The following IGHMBP2 variants were observed in gnomAD, a reference collection of about 807,000 sequenced individuals.
IGHMBP2 encodes the protein immunoglobulin mu DNA binding protein 2.
A neutral mutation model predicts 96.0 loss-of-function variants in IGHMBP2; 81 were observed. The ratio of observed to expected loss-of-function variants is 0.84; its 90% CI spans 0.71 to 1.01. The LOEUF is 1.01. Ranked by LOEUF, IGHMBP2 falls within the 50% of genes least tolerant of loss-of-function variation. The probability of loss-of-function intolerance (pLI) is 0.00; values close to 1 mark genes in which losing one functional copy is unlikely to be tolerated. For synonymous variants in IGHMBP2, 557 were observed against 548.9 expected (o/e 1.01, Z -0.21); for missense variants, 1,227 against 1,306.3 (o/e 0.94, Z 0.94).
At chr11:68,906,631 A>ATTTCT (rs1555242336) in intron 2 of IGHMBP2, among the ~76,000 whole-genome samples, 3 of 134,632 alleles carry the variant, frequency 2.2e-5, no homozygotes, top group South Asian at 2.3e-4. Context: ...TAATTTACCC[A>ATTTCT]TTTCTTTTCT....
At position 68,917,716 on chromosome 11, in the gene IGHMBP2, T is replaced by G; in HGVS notation, c.913-20T>G. 1 of 1,599,292 alleles carries G rather than the reference T, an allele frequency of 6.3e-7. No individual in the cohort carries two copies. Among genetic ancestry groups the G allele is most frequent in the South Asian group, 1.1e-5 (1 of 90,656 alleles). ...AAAGTTGGACTGAAGTAAGTGTATC[T>G]CCTTTGTTTTTCTTTATAGGTGAAA... On this transcript the variant is annotated intron_variant, in intron 6 of 14. Transcript: ENST00000255078.
Position 68,939,533 on chromosome 11 carries a change from G to A in IGHMBP2, c.2785-1G>A. 1 of 1,611,828 alleles carries A rather than the reference G, an allele frequency of 6.2e-7. No individual in the cohort carries two copies. The highest frequency in any genetic ancestry group is 8.5e-7 in the Non-Finnish European group (1 of 1,180,000). ...AGCAGTGATTCTTGTGTCCTCCCCA[G>A]ATCCATGGCTGCGGTGAGAGGGCTC... On this transcript the variant is annotated splice_acceptor_variant, in intron 14 of 14. Coordinates refer to ENST00000255078, the MANE Select transcript of IGHMBP2 (RefSeq NM_002180.3). LOFTEE classifies it high-confidence loss of function.
chr11:68,908,044 G>C lies in IGHMBP2; in HGVS notation c.257-101G>C, dbSNP rs61887150. On this transcript the variant is annotated intron_variant, in intron 2 of 14. Transcript: ENST00000255078. ...TTACTGATTGCATTTACTAAAGAAAGTAACAAAGATAAAATATTTGAAGTA... is the reference window on the plus strand; with the variant it reads ...TTACTGATTGCATTTACTAAAGAAACTAACAAAGATAAAATATTTGAAGTA... The C allele has an allele frequency of 0.27, 268,369 of 1,011,552 alleles. 38,947 individuals are homozygous for C. Among genetic ancestry groups the C allele is most frequent in the Admixed American group, 0.44 (25,867 of 58,372 alleles). The allele number at this position is 1,011,552 out of a possible 1,614,324, so 62.7% of individuals were successfully genotyped here.
intron 13 of IGHMBP2, among the ~76,000 whole-genome samples, chr11:68,937,380 A>G (rs916679437): frequency 2.0e-5 from 3 of 152,218 alleles, no homozygotes; most frequent in Non-Finnish European, 4.4e-5. Context: ...AAGAGCAAAC[A>G]TGGATGGCTC....
chr11:68,913,451 G>C (rs1453295252), intron 5 of IGHMBP2, among the ~76,000 whole-genome samples: 1 of 152,070 alleles, frequency 6.6e-6, no homozygotes, highest in East Asian at 1.9e-4. Flanking sequence ...TTAAGGGCCT[G>C]TAGAGACTCT....
chr11:68,905,740 G>A (rs1458360723), intron 1 of IGHMBP2, among the ~76,000 whole-genome samples: 1 of 152,174 alleles, frequency 6.6e-6, no homozygotes, highest in Non-Finnish European at 1.5e-5. Context: ...GATTTGAACC[G>A]GGGCTGTGGC....
Position 68,929,377 on chromosome 11 carries a change from C to T in IGHMBP2, c.1235+20C>T. 1 of 1,609,020 alleles carries T rather than the reference C, an allele frequency of 6.2e-7. No homozygotes were observed. Among genetic ancestry groups the T allele is most frequent in the Non-Finnish European group, 8.5e-7 (1 of 1,177,282 alleles). ...TCACAAGTAAGACCCCTTTGCCTCACATGCCCTTCTCTGCCCCCGCCCTCC... is the reference window on the plus strand; with the variant it reads ...TCACAAGTAAGACCCCTTTGCCTCATATGCCCTTCTCTGCCCCCGCCCTCC... On this transcript the variant is annotated intron_variant, in intron 8 of 14. Transcript: ENST00000255078.
rs1183336849 is a variant in IGHMBP2, at chr11:68,935,336, C to A, written c.1670C>A (p.Pro557His). Reference protein sequence around the residue: ...LLRQSLVHRHPELEIKSVDGF... With the variant: ...LLRQSLVHRHHELEIKSVDGF... ...AGACAGAGCCTTGTGCACAGGCACC[C>A]TGAGCTTGAAATCAAGTCTGTCGAT... The change falls in exon 12 of 15, where the codon CCT becomes CAT. Residue 557 changes from proline to histidine, a missense_variant. Around this residue, in one of 3 missense-constraint regions of IGHMBP2, gnomAD observed 703 missense variants for 770.3 expected, o/e 0.91. Transcript: ENST00000255078. 6.2e-7 allele frequency: 1 copy of A among 1,614,174 alleles called. No homozygotes were observed. The highest frequency in any genetic ancestry group is 1.7e-5 in the Admixed American group (1 of 60,026).
intron 4 of IGHMBP2, among the ~76,000 whole-genome samples, chr11:68,909,440 A>G (rs1029356395): frequency 6.6e-6 from 1 of 152,114 alleles, no homozygotes; most frequent in African/African-American, 2.4e-5. Flanking sequence ...TCAGCCTCCC[A>G]AAGTGTTGGG....
chr11:68,934,385 G>C, intron 10 of IGHMBP2, 79 bp from the exon 11 acceptor site: 1 of 981,558 alleles, frequency 1.0e-6, no homozygotes, highest in Non-Finnish European at 1.6e-6. Flanking sequence ...AGACAGAAAC[G>C]TGCCCGAAAC....
At chr11:68,929,089 T>G in intron 7 of IGHMBP2, 94 bp from the exon 8 acceptor site, 1 of 1,199,762 alleles carries the variant, frequency 8.3e-7, no homozygotes, top group Non-Finnish European at 1.2e-6. Context: ...CAAGCCTTGA[T>G]GAAACCCCAG....
intron 11 of IGHMBP2, 81 bp downstream of exon 11, chr11:68,934,639 T>G: frequency 8.9e-7 from 1 of 1,129,408 alleles, no homozygotes; most frequent in Admixed American, 2.0e-5. Flanking sequence ...GGGTGATTTG[T>G]TGGCTGTGGT....
In IGHMBP2 at chr11:68,908,299, A is replaced by G; in HGVS notation, c.411A>G (p.Leu137=). Residue 137 remains leucine (L), a synonymous_variant, in exon 3 of 15, where the codon TTA becomes TTG. Coordinates refer to ENST00000255078, the MANE Select transcript of IGHMBP2 (RefSeq NM_002180.3). The part of the protein sequence containing the change: ...SLDRENSYRL[L]KLANDVTYRR... ...ACCGAGAGAATTCCTACAGACTGTT[A>G]AAACTTGCCAATGATGTCACTTACA... The G allele has an allele frequency of 1.2e-6, 2 of 1,614,174 alleles. No homozygotes were observed. Among genetic ancestry groups the G allele is most frequent in the South Asian group, 1.1e-5 (1 of 91,080 alleles).
In IGHMBP2 at chr11:68,933,444, C is replaced by T. The variant is rs897044; in HGVS notation, c.1381C>T (p.Leu461Phe). 1 of 1,613,188 alleles carries T rather than the reference C, an allele frequency of 6.2e-7. No homozygotes were observed. The highest frequency in any genetic ancestry group is 8.5e-7 in the Non-Finnish European group (1 of 1,179,884). The change falls in exon 9 of 15, where the codon CTC (leucine) becomes TTC (phenylalanine). Residue 461 changes from leucine (L) to phenylalanine (F), a missense_variant. Around this residue, in one of 3 missense-constraint regions of IGHMBP2, gnomAD observed 703 missense variants for 770.3 expected, o/e 0.91. Transcript: ENST00000255078. The part of the protein sequence containing the change: ...WASDTMYLGQ[L>F]TAHSSVARHL... Reference sequence around the variant, plus strand: ...CTCAGACACCATGTACCTTGGGCAGCTCACAGCCCACTCTTCCGTGGCAAG... The same window carrying T: ...CTCAGACACCATGTACCTTGGGCAGTTCACAGCCCACTCTTCCGTGGCAAG...
intron 6 of IGHMBP2, among the ~76,000 whole-genome samples, chr11:68,917,061 A>T (rs1594430848): frequency 7.0e-6 from 1 of 143,048 alleles, no homozygotes. Flanking sequence ...GCTCACTGCA[A>T]CCTCCGCCTC....
chr11:68,919,105 A>G (rs930920310), intron 7 of IGHMBP2, among the ~76,000 whole-genome samples: 1 of 151,970 alleles, frequency 6.6e-6, no homozygotes, highest in Admixed American at 6.6e-5. Flanking sequence ...TTGGTTTTTT[A>G]GAAGTGTTAT....
intron 8 of IGHMBP2, chr11:68,929,727 TC>T (rs1859201705): frequency 1.0e-6 from 1 of 985,206 alleles, no homozygotes; most frequent in Non-Finnish European, 1.2e-6. Flanking sequence ...GGATGTGGGT[TC>T]TTTAGTCTTC....
At chr11:68,934,171 C>G in intron 10 of IGHMBP2, 1 of 610,286 alleles carries the variant, frequency 1.6e-6, no homozygotes, top group Non-Finnish European at 2.9e-6. Flanking sequence ...CCTGGCTGGT[C>G]TGGTGATGGG....
chr11:68,936,994 G>A lies in IGHMBP2; in HGVS notation c.2514G>A (p.Leu838=), dbSNP rs1385595195. The A allele has an allele frequency of 6.2e-7, 1 of 1,609,492 alleles. No individual in the cohort carries two copies. The highest frequency in any genetic ancestry group is 1.1e-5 in the South Asian group (1 of 90,856). Residue 838 remains leucine (L), a synonymous_variant, in exon 13 of 15, where the codon CTG becomes CTA. Coordinates refer to ENST00000255078, the MANE Select transcript of IGHMBP2 (RefSeq NM_002180.3). ...PDLRTLHLER[L]QRVRSAQGQP... ...TGAGGACGCTGCACCTGGAGAGACTGCAGAGGGTCAGGAGCGCGCAGGGGC... is the reference window on the plus strand; with the variant it reads ...TGAGGACGCTGCACCTGGAGAGACTACAGAGGGTCAGGAGCGCGCAGGGGC...
Sources: allele counts gnomAD v4.1 joint callset (sites outside exome capture counted in the v4.1 genomes callset), GRCh38; gene constraint gnomAD v4.1.1; regional missense constraint gnomAD v4.1.1; transcripts MANE v1.5; gene names NCBI Gene and HGNC (gene_info 2026-07-23, HGNC 2026-07-21).